UNC13C: variants seen among roughly 807,000 people sequenced by gnomAD.
UNC13C encodes unc-13 homolog C.
Under a neutral mutation model 245.4 loss-of-function variants are expected in UNC13C, and 174 were observed. The ratio of observed to expected loss-of-function variants is 0.71; its 90% CI spans 0.63 to 0.80. The LOEUF is 0.80. UNC13C is among the 30% of genes least tolerant of loss of function. UNC13C has a pLI of 0.00. For synonymous variants in UNC13C, 992 were observed against 895.1 expected (o/e 1.11, Z -1.93); for missense variants, 2,829 against 2,602.9 (o/e 1.09, Z -1.89).
intron 18 of UNC13C, among the ~76,000 whole-genome samples, chr15:54,401,884 T>C (rs2040194244): frequency 6.6e-6 from 1 of 152,146 alleles, no homozygotes; most frequent in South Asian, 2.1e-4. Flanking sequence ...AATGTGGTAA[T>C]GGAGTTTAGT....
In UNC13C at chr15:54,015,404, G is replaced by A. The variant is rs201822096; in HGVS notation, c.2501G>A (p.Arg834Gln). Reference sequence around the variant, plus strand: ...GGCTCTTCATTAATGGGGAGATTTCGGACATTATCTCAATCAACTGCAAAT... The same window carrying A: ...GGCTCTTCATTAATGGGGAGATTTCAGACATTATCTCAATCAACTGCAAAT... ...DSGSSLMGRFRTLSQSTANES... is the reference protein window; with the variant it reads ...DSGSSLMGRFQTLSQSTANES... The change falls in exon 2 of 33, where the codon CGG (arginine) becomes CAG (glutamine). Residue 834 changes from arginine to glutamine, a missense_variant. By Grantham distance (43) the Arg-to-Gln change is conservative. Coordinates refer to ENST00000260323, the MANE Select transcript of UNC13C (RefSeq NM_001080534.3). The A allele has an allele frequency of 2.5e-4, 403 of 1,613,670 alleles. 2 individuals carry two copies. The East Asian group carries it at 4.3e-3, about 17-fold the overall frequency.
intron 4 of UNC13C, among the ~76,000 whole-genome samples, chr15:54,144,108 T>C (rs1567046505): frequency 6.6e-6 from 1 of 152,180 alleles, no homozygotes; most frequent in Non-Finnish European, 1.5e-5. Context: ...TTATTTTTCA[T>C]AGTTGCATAG....
intron 19 of UNC13C, among the ~76,000 whole-genome samples, chr15:54,440,532 C>T (rs1890463877): frequency 6.6e-6 from 1 of 151,814 alleles, no homozygotes; most frequent in African/African-American, 2.4e-5. Flanking sequence ...GTATAAATAC[C>T]ACACCATCTT....
intron 13 of UNC13C, among the ~76,000 whole-genome samples, chr15:54,306,601 T>G (rs2037730611): frequency 6.6e-6 from 1 of 151,916 alleles, no homozygotes; most frequent in African/African-American, 2.4e-5. Flanking sequence ...TATCAGTCAT[T>G]ATGGTTTAAA....
chr15:54,549,497 A>G, intron 27 of UNC13C, 138 bp from the exon 28 acceptor site: 1 of 647,918 alleles, frequency 1.5e-6, no homozygotes, highest in East Asian at 2.7e-5. Flanking sequence ...TCTTTATAAT[A>G]GACCAATTAA....
At chr15:54,147,789 C>CGTGTGTGTGTGTGTGTGTGTGTGTGT (rs56353727) in intron 4 of UNC13C, among the ~76,000 whole-genome samples, 7 of 147,472 alleles carry the variant, frequency 4.7e-5, no homozygotes, top group South Asian at 2.2e-4. Flanking sequence ...AAGGTGTGTG[C>CGTGTGTGTGTGTGTGTGTGTGTGTGT]GTGTGTGTGT....
At chr15:54,113,292 C>T (rs977687757) in intron 2 of UNC13C, among the ~76,000 whole-genome samples, 3 of 152,166 alleles carry the variant, frequency 2.0e-5, no homozygotes, top group African/African-American at 4.8e-5. Context: ...TTATGGCATT[C>T]ATGATCTACT....
intron 32 of UNC13C, among the ~76,000 whole-genome samples, chr15:54,626,054 G>A (rs1901119761): frequency 6.6e-6 from 1 of 152,124 alleles, no homozygotes; most frequent in Non-Finnish European, 1.5e-5. Context: ...GAAGGAATTT[G>A]GAAGCTGGTA....
intron 21 of UNC13C, 74 bp from the exon 22 acceptor site, chr15:54,500,761 T>C: frequency 2.3e-6 from 3 of 1,293,962 alleles, no homozygotes; most frequent in African/African-American, 1.5e-5. Flanking sequence ...CAGTTGTTGA[T>C]GGGAAACAGT....
chr15:54,090,423 A>T (rs938972925), intron 2 of UNC13C, among the ~76,000 whole-genome samples: 1 of 152,202 alleles, frequency 6.6e-6, no homozygotes, highest in Admixed American at 6.5e-5. Context: ...TAATCATGCT[A>T]CTAAATACTT....
chr15:53,910,309 G>T, the UNC13C span, among the ~76,000 whole-genome samples: 3 of 145,786 alleles, frequency 2.1e-5, no homozygotes, highest in Admixed American at 7.1e-5. Flanking sequence ...GAGGTACGTG[G>T]ATGTGATTTG....
intron 17 of UNC13C, among the ~76,000 whole-genome samples, chr15:54,340,896 T>C (rs2038712631): frequency 6.6e-6 from 1 of 152,176 alleles, no homozygotes; most frequent in Admixed American, 6.5e-5. Context: ...ATTTTCACAA[T>C]ATTGATTCTA....
chr15:54,300,737 T>C (rs2140946470), intron 13 of UNC13C, among the ~76,000 whole-genome samples: 1 of 152,306 alleles, frequency 6.6e-6, no homozygotes, highest in East Asian at 1.9e-4. Flanking sequence ...GTGATTCTCA[T>C]ATACTTTAAA....
chr15:54,627,247 A>T lies in UNC13C; in HGVS notation c.*134A>T. Reference sequence around the variant, plus strand: ...ATGTACGATGTCTACAAGGTATGTAAAAAACCTGCTGAACTTTTATACCAA... The same window carrying T: ...ATGTACGATGTCTACAAGGTATGTATAAAACCTGCTGAACTTTTATACCAA... On this transcript the variant is annotated 3_prime_UTR_variant, in exon 33 of 33. Transcript: ENST00000260323. 2 of 943,672 alleles carry T rather than the reference A, an allele frequency of 2.1e-6. No homozygotes were observed. The highest frequency in any genetic ancestry group is 4.8e-5 in the South Asian group (2 of 41,438). The allele number at this position is 943,672 out of a possible 1,614,324, so 58.5% of individuals were successfully genotyped here. A position where few individuals can be genotyped will look rare whatever the true frequency, so the allele number is the denominator to read the frequency against.
intron 17 of UNC13C, among the ~76,000 whole-genome samples, chr15:54,371,625 T>C (rs916038168): frequency 6.6e-6 from 1 of 152,142 alleles, no homozygotes; most frequent in African/African-American, 2.4e-5. Context: ...TCCAATCTTA[T>C]TTCCATGTGT....
At chr15:53,961,748 A>G in the UNC13C span, among the ~76,000 whole-genome samples, 1 of 152,198 alleles carries the variant, frequency 6.6e-6, no homozygotes, top group African/African-American at 2.4e-5. Flanking sequence ...AAAGCCTTGT[A>G]ACTGGTTTCC....
intron 1 of UNC13C, among the ~76,000 whole-genome samples, chr15:53,992,481 G>T (rs1250106681): frequency 6.6e-6 from 1 of 152,044 alleles, no homozygotes; most frequent in Non-Finnish European, 1.5e-5. Flanking sequence ...TTCAAGCAAG[G>T]ATGAAGTGCT....
At chr15:53,972,740 T>A in the UNC13C span, 2 of 152,116 alleles carry the variant, frequency 1.3e-5, no homozygotes, top group African/African-American at 4.8e-5. Context: ...ATTGAATAAC[T>A]CCTGAATGAT....
At chr15:54,101,693 G>C (rs1318023043) in intron 2 of UNC13C, among the ~76,000 whole-genome samples, 1 of 151,926 alleles carries the variant, frequency 6.6e-6, no homozygotes, top group Non-Finnish European at 1.5e-5. Flanking sequence ...CGATTCTCCT[G>C]CTTCAGCCTC....
Sources: allele counts gnomAD v4.1 joint callset (sites outside exome capture counted in the v4.1 genomes callset), GRCh38; gene constraint gnomAD v4.1.1; transcripts MANE v1.5; gene names NCBI Gene and HGNC (gene_info 2026-07-23, HGNC 2026-07-21).